The following MSN variants were observed in gnomAD, a reference collection of about 807,000 sequenced individuals.
MSN encodes the protein epididymis luminal protein 70.
A neutral mutation model predicts 48.0 loss-of-function variants in MSN; 2 were observed. The observed-to-expected ratio is 0.04, with a 90% confidence interval of 0.02 to 0.13. The LOEUF is 0.13. Among genes scored for constraint, MSN ranks in the 10% least tolerant of loss-of-function variants. MSN has a pLI of 1.00. For missense variants in MSN, 267 were observed against 470.1 expected (o/e 0.57, Z 3.99); for synonymous variants, 146 against 166.9 (o/e 0.87, Z 0.97).
chrX:65,653,775 G>A (rs1189954448), intron 1 of MSN, among the ~76,000 whole-genome samples: 1 of 110,743 alleles, frequency 9.0e-6, no homozygotes, highest in Non-Finnish European at 1.9e-5. Context: ...TTTCTATGTG[G>A]AAGTATGTAT....
At chrX:65,642,062 A>T (rs1435944719) in intron 1 of MSN, among the ~76,000 whole-genome samples, 1 of 96,130 alleles carries the variant, frequency 1.0e-5, no homozygotes, top group African/African-American at 3.9e-5. Context: ...TGAACCTAGA[A>T]GGCGGAGGTT....
chrX:65,713,389 C>T (rs892657114), intron 1 of MSN, among the ~76,000 whole-genome samples: 2 of 111,077 alleles, frequency 1.8e-5, no homozygotes, highest in African/African-American at 3.3e-5. Flanking sequence ...CTAAGGAAGC[C>T]AATGAGACAT....
chrX:65,698,944 A>C lies in MSN; in HGVS notation c.13-17874A>C, dbSNP rs1000621312. On this transcript the variant is annotated intron_variant, in intron 1 of 12. Coordinates refer to ENST00000360270, the MANE Select transcript of MSN (RefSeq NM_002444.3). ...AGAAAGTCATATAAGTCCTATAAGG[A>C]ATCAGTGGCAAAGCTAGGATGAGTA... 6.3e-5 allele frequency among the ~76,000 whole-genome samples: 7 copies of C among 111,672 alleles called. No individual in the cohort carries two copies. The South Asian group carries it at 2.6e-3, about 42-fold the overall frequency.
chrX:65,737,953 G>T (rs1452580593), intron 10 of MSN, among the ~76,000 whole-genome samples: 2 of 112,233 alleles, frequency 1.8e-5, no homozygotes, highest in Non-Finnish European at 3.8e-5. Context: ...AAGAACCTGT[G>T]GTCCAAACTC....
chrX:65,691,380 G>A (rs760272576), intron 1 of MSN, among the ~76,000 whole-genome samples: 1 of 112,069 alleles, frequency 8.9e-6, no homozygotes, highest in Non-Finnish European at 1.9e-5. Context: ...GGAAAGGAAG[G>A]GCTGCATCCA....
intron 1 of MSN, among the ~76,000 whole-genome samples, chrX:65,628,948 C>A (rs752971920): frequency 9.2e-6 from 1 of 109,129 alleles, no homozygotes; most frequent in Admixed American, 9.9e-5. Flanking sequence ...TATCTATGAT[C>A]CTAGCTACTC....
At position 65,712,172 on chromosome X, in the gene MSN, A is replaced by T. The variant is rs190012121; in HGVS notation, c.13-4646A>T. ...GACTTGGCAGGAAGCCTAGGGTAGG[A>T]CCAAATCAAAGTGGCTAACCTTGCC... On this transcript the variant is annotated intron_variant, in intron 1 of 12. Transcript: ENST00000360270. Among the ~76,000 whole-genome samples the T allele has an allele frequency of 4.4e-3, 494 of 111,314 alleles. 1 individual carries two copies. Among genetic ancestry groups the T allele is most frequent in the African/African-American group, 0.015 (472 of 30,608 alleles).
At chrX:65,604,588 G>C (rs1193072082) in intron 1 of MSN, among the ~76,000 whole-genome samples, 1 of 111,240 alleles carries the variant, frequency 9.0e-6, no homozygotes, top group Non-Finnish European at 1.9e-5. Context: ...GAACAAGAAG[G>C]GCAGAGAAAG....
intron 1 of MSN, among the ~76,000 whole-genome samples, chrX:65,696,520 C>T (rs986978432): frequency 9.0e-6 from 1 of 111,049 alleles, no homozygotes; most frequent in Non-Finnish European, 1.9e-5. Flanking sequence ...TGGTTGGCCT[C>T]TTTACTGTTG....
intron 1 of MSN, among the ~76,000 whole-genome samples, chrX:65,616,016 A>G (rs1360295239): frequency 9.0e-6 from 1 of 110,956 alleles, no homozygotes; most frequent in Non-Finnish European, 1.9e-5. Flanking sequence ...AGATAGTTGT[A>G]GATATGCGGC....
intron 1 of MSN, among the ~76,000 whole-genome samples, chrX:65,604,651 C>A (rs1007976368): frequency 8.9e-6 from 1 of 111,955 alleles, no homozygotes; most frequent in Non-Finnish European, 1.9e-5. Context: ...GTGGTCTCTA[C>A]CTCAGTGAAT....
chrX:65,627,986 C>T (rs2070521815), intron 1 of MSN, among the ~76,000 whole-genome samples: 1 of 112,674 alleles, frequency 8.9e-6, no homozygotes, highest in African/African-American at 3.2e-5. Context: ...TCCTTTGATT[C>T]CAGTTCTCAC....
chrX:65,593,135 C>T (rs1186371748), intron 1 of MSN: 1 of 111,254 alleles, frequency 9.0e-6, no homozygotes, highest in Non-Finnish European at 1.9e-5. Context: ...CCCCAATCCC[C>T]GCTGCTACCT....
At chrX:65,615,925 G>A (rs1389175438) in intron 1 of MSN, among the ~76,000 whole-genome samples, 2 of 110,872 alleles carry the variant, frequency 1.8e-5, no homozygotes, top group African/African-American at 3.3e-5. Context: ...TCTACATATG[G>A]CTAGCCAGTT....
chrX:65,662,105 T>C (rs762803064), intron 1 of MSN, among the ~76,000 whole-genome samples: 3 of 112,053 alleles, frequency 2.7e-5, no homozygotes, highest in Non-Finnish European at 3.8e-5. Context: ...CAAGGAGAAG[T>C]ACAAAACACT....
At chrX:65,642,825 C>T (rs1201446552) in intron 1 of MSN, among the ~76,000 whole-genome samples, 2 of 110,298 alleles carry the variant, frequency 1.8e-5, no homozygotes, top group East Asian at 2.8e-4. Flanking sequence ...CAAATGTGGA[C>T]GTGCATGGCC....
At chrX:65,613,354 A>G (rs913938165) in intron 1 of MSN, among the ~76,000 whole-genome samples, 5 of 115,030 alleles carry the variant, frequency 4.3e-5, no homozygotes, top group East Asian at 2.7e-4. Context: ...ATGTGTCTTT[A>G]TAGCAGAATG....
intron 1 of MSN, among the ~76,000 whole-genome samples, chrX:65,590,282 C>A (rs60758795): frequency 0.027 from 2,956 of 111,194 alleles, 90 homozygotes; most frequent in African/African-American, 0.091. Flanking sequence ...CTGGCTCAAG[C>A]TAAGTGGCAA....
chrX:65,697,443 G>A (rs1312022869), intron 1 of MSN, among the ~76,000 whole-genome samples: 1 of 111,811 alleles, frequency 8.9e-6, no homozygotes, highest in Non-Finnish European at 1.9e-5. Flanking sequence ...GAGCCAGGGA[G>A]TCCGAGCTGT....
Sources: allele counts gnomAD v4.1 joint callset (sites outside exome capture counted in the v4.1 genomes callset), GRCh38; gene constraint gnomAD v4.1.1; transcripts MANE v1.5; gene names NCBI Gene and HGNC (gene_info 2026-07-23, HGNC 2026-07-21).